SLC7A14: variants seen among roughly 807,000 people sequenced by gnomAD.
SLC7A14 encodes the protein solute carrier family 7 member 14.
A neutral mutation model predicts 60.2 loss-of-function variants in SLC7A14; 37 were observed. That is an observed-to-expected ratio of 0.61 (90% CI 0.47 to 0.81). SLC7A14 has a LOEUF of 0.81. Ranked by LOEUF, SLC7A14 falls within the 30% of genes least tolerant of loss-of-function variation. SLC7A14 has a pLI of 0.00. For missense variants in SLC7A14, 886 were observed against 982.7 expected, an observed-to-expected ratio of 0.90 and a Z score of 1.32; for synonymous variants, 399 against 395.8, an observed-to-expected ratio of 1.01 and a Z score of -0.10.
intron 2 of SLC7A14, among the ~76,000 whole-genome samples, chr3:170,514,273 T>G (rs144599302): frequency 2.0e-3 from 299 of 152,366 alleles, no homozygotes; most frequent in African/African-American, 7.0e-3. Flanking sequence ...GAAAGTCTGC[T>G]GTGCAGACCT....
rs576539215 is a variant in SLC7A14, at chr3:170,497,851, A to C, written c.759+816T>G. ...CTCTAGCATAAACCGCACTAGCCAG[A>C]TCATGGAATGAGATCTGAAAACATC... On this transcript the variant is annotated intron_variant, in intron 4 of 7. Transcript: ENST00000231706. 2.6e-5 allele frequency among the ~76,000 whole-genome samples: 4 copies of C among 152,342 alleles called. No individual in the cohort carries two copies. In the South Asian group the frequency reaches 8.3e-4, roughly 32 times the overall value.
chr3:170,478,110 CTCTG>C (rs1471204202), intron 7 of SLC7A14, among the ~76,000 whole-genome samples: 31 of 151,962 alleles, frequency 2.0e-4, no homozygotes, highest in Non-Finnish European at 1.0e-4. Context: ...TGGAGTCTTG[CTCTG>C]TCTCCCAGGC....
At position 170,480,642 on chromosome 3, in the gene SLC7A14, C is replaced by T. The variant is rs201483223; in HGVS notation, c.1640G>A (p.Arg547Gln). The change falls in exon 7 of 8, where the codon CGG (arginine) becomes CAG (glutamine). Residue 547 changes from arginine to glutamine, a missense_variant. Transcript: ENST00000231706. ...IGPHYYTMRIRLGLPGKMDRP... is the reference protein window; with the variant it reads ...IGPHYYTMRIQLGLPGKMDRP... Reference sequence around the variant, plus strand: ...GTCCATTTTGCCTGGAAGGCCCAGCCGGATTCTCATGGTGTAATAATGAGG... The same window carrying T: ...GTCCATTTTGCCTGGAAGGCCCAGCTGGATTCTCATGGTGTAATAATGAGG... 19 of 1,614,218 alleles carry T rather than the reference C, an allele frequency of 1.2e-5. No individual in the cohort carries two copies. Among genetic ancestry groups the T allele is most frequent in the Admixed American group, 8.3e-5 (5 of 60,028 alleles).
At position 170,563,466 on chromosome 3, in the gene SLC7A14, G is replaced by T. The variant is rs535264939; in HGVS notation, c.-153+22445C>A. 1.2e-4 allele frequency among the ~76,000 whole-genome samples: 18 copies of T among 144,246 alleles called. 2 individuals are homozygous for T. In the South Asian group the frequency reaches 4.0e-3, roughly 32 times the overall value. The allele number at this position is 144,246 out of a possible 152,430, so 94.6% of individuals were successfully genotyped here. On this transcript the variant is annotated intron_variant, in intron 1 of 7. Coordinates refer to ENST00000231706, the MANE Select transcript of SLC7A14 (RefSeq NM_020949.3). Reference sequence around the variant, plus strand: ...GGAGTCTTACTCTGTCGCCCAGGCTGGAGTGCAATGGTGCGATCTCGGCTC... The same window carrying T: ...GGAGTCTTACTCTGTCGCCCAGGCTTGAGTGCAATGGTGCGATCTCGGCTC...
chr3:170,573,227 G>C (rs996046664), intron 1 of SLC7A14, among the ~76,000 whole-genome samples: 1 of 152,284 alleles, frequency 6.6e-6, no homozygotes, highest in Middle Eastern at 3.4e-3. Flanking sequence ...GTCCCTTACA[G>C]AAATAACCCA....
intron 2 of SLC7A14, among the ~76,000 whole-genome samples, chr3:170,509,645 A>C (rs1712903524): frequency 6.6e-6 from 1 of 151,922 alleles, no homozygotes; most frequent in East Asian, 1.9e-4. Flanking sequence ...CCCCGTCTCT[A>C]CTAAAAATAC....
At chr3:170,505,849 C>T (rs1712764213) in intron 2 of SLC7A14, among the ~76,000 whole-genome samples, 1 of 151,486 alleles carries the variant, frequency 6.6e-6, no homozygotes. Context: ...GATTATGCCA[C>T]TGCACTCCAG....
intron 2 of SLC7A14, among the ~76,000 whole-genome samples, chr3:170,511,485 CCT>C (rs1436930557): frequency 6.6e-6 from 1 of 152,038 alleles, no homozygotes; most frequent in Non-Finnish European, 1.5e-5. Context: ...TGTTTCCCTA[CCT>C]GGAAAATAGT....
intron 2 of SLC7A14, among the ~76,000 whole-genome samples, chr3:170,504,673 G>A (rs902485605): frequency 6.6e-6 from 1 of 152,070 alleles, no homozygotes; most frequent in African/African-American, 2.4e-5. Context: ...TGAGTGTTGA[G>A]GGGCAAGTTA....
chr3:170,584,413 C>A lies in SLC7A14; in HGVS notation c.-153+1498G>T, dbSNP rs180776155. ...AACAGCATCCCTAACTGCCTTTCAA[C>A]ACTTTACCGACAGGAAGTCTCACTG... On this transcript the variant is annotated intron_variant, in intron 1 of 7. Coordinates refer to ENST00000231706, the MANE Select transcript of SLC7A14 (RefSeq NM_020949.3). Among the ~76,000 whole-genome samples, 600 of 152,282 alleles carry A rather than the reference C, an allele frequency of 3.9e-3. 1 individual carries two copies. The highest frequency in any genetic ancestry group is 7.3e-3 in the Non-Finnish European group (495 of 68,020).
intron 1 of SLC7A14, among the ~76,000 whole-genome samples, chr3:170,566,355 G>A (rs1336584536): frequency 6.6e-6 from 1 of 151,958 alleles, no homozygotes; most frequent in African/African-American, 2.4e-5. Context: ...GGAGAGGAGA[G>A]GTCATCTTTC....
chr3:170,480,954 A>G lies in SLC7A14; in HGVS notation c.1328T>C (p.Phe443Ser). The change falls in exon 7 of 8, where the codon TTC becomes TCC. Residue 443 changes from phenylalanine to serine, a missense_variant. Coordinates refer to ENST00000231706, the MANE Select transcript of SLC7A14 (RefSeq NM_020949.3). ...CTTCTTGGTGTGCTCCTCAGACAAG[A>G]ACTTGACAAAACCATCAATGTCACT... ...PESDIDGFVK[F>S]LSEEHTKKKE... 1 of 1,614,068 alleles carries G rather than the reference A, an allele frequency of 6.2e-7. No individual in the cohort carries two copies. The highest frequency in any genetic ancestry group is 8.5e-7 in the Non-Finnish European group (1 of 1,180,014).
chr3:170,513,673 C>G (rs1713059035), intron 2 of SLC7A14, among the ~76,000 whole-genome samples: 1 of 152,194 alleles, frequency 6.6e-6, no homozygotes, highest in South Asian at 2.1e-4. Flanking sequence ...ATATTCATGA[C>G]TTTTAACAAG....
intron 1 of SLC7A14, among the ~76,000 whole-genome samples, chr3:170,580,296 T>C (rs982931408): frequency 3.3e-5 from 5 of 152,236 alleles, no homozygotes; most frequent in Non-Finnish European, 5.9e-5. Flanking sequence ...TCAGTTCTCT[T>C]TATCTCTTGG....
intron 1 of SLC7A14, among the ~76,000 whole-genome samples, chr3:170,581,027 G>A (rs1715220762): frequency 6.6e-6 from 1 of 152,142 alleles, no homozygotes; most frequent in South Asian, 2.1e-4. Flanking sequence ...CCAGGTTTGG[G>A]AGTAAATGTT....
At chr3:170,527,170 G>C (rs1326250308) in intron 1 of SLC7A14, 82 bp from the exon 2 acceptor site, 2 of 565,984 alleles carry the variant, frequency 3.5e-6, no homozygotes, top group Non-Finnish European at 6.3e-6. Context: ...GGAGGTTAAT[G>C]TCCTGAACTG....
intron 1 of SLC7A14, among the ~76,000 whole-genome samples, chr3:170,543,591 C>T (rs1192870565): frequency 3.3e-5 from 5 of 151,386 alleles, no homozygotes; most frequent in African/African-American, 2.4e-5. Flanking sequence ...TGTAGTGAGC[C>T]GAGATCGCCC....
intron 1 of SLC7A14, among the ~76,000 whole-genome samples, chr3:170,574,618 C>T (rs1327586032): frequency 6.6e-6 from 1 of 152,166 alleles, no homozygotes; most frequent in Non-Finnish European, 1.5e-5. Flanking sequence ...TCAAACTCTT[C>T]CCTAACCAGC....
intron 2 of SLC7A14, among the ~76,000 whole-genome samples, chr3:170,519,024 C>T (rs543297057): frequency 2.8e-4 from 42 of 152,170 alleles, no homozygotes; most frequent in South Asian, 6.2e-4. Context: ...GCATTACTGA[C>T]GCTTTTTTGA....
Sources: gnomAD v4.1 joint callset for allele counts (sites outside exome capture counted in the v4.1 genomes callset) on GRCh38, gnomAD v4.1.1 for gene constraint, MANE v1.5 for transcripts, NCBI Gene and HGNC (gene_info 2026-07-23, HGNC 2026-07-21) for gene names.